Variants in CCDC178 observed in about 807,000 individuals in gnomAD.
CCDC178 encodes the protein coiled-coil domain containing 178, also known as coiled-coil domain-containing protein 178.
CCDC178 carries 126 observed loss-of-function variants against 117.4 expected under a neutral mutation model. The observed-to-expected ratio is 1.07, with a 90% CI of 0.93 to 1.24. The LOEUF is 1.24. Ranked by LOEUF, CCDC178 falls within the 50% of genes most tolerant of loss-of-function variation. The pLI, the probability that CCDC178 is intolerant of heterozygous loss-of-function variation, is 0.00. For missense variants in CCDC178, 1,030 were observed against 986.9 expected, an observed-to-expected ratio of 1.04 and a Z score of -0.59; for synonymous variants, 283 against 313.4, an observed-to-expected ratio of 0.90 and a Z score of 1.02.
At chr18:33,379,649 G>A (rs2063414689) in intron 5 of CCDC178, among the ~76,000 whole-genome samples, 1 of 152,084 alleles carries the variant, frequency 6.6e-6, no homozygotes, top group African/African-American at 2.4e-5. Context: ...TCATTCCTAA[G>A]TTCTCCGCAA....
chr18:33,323,603 C>T lies in CCDC178; in HGVS notation c.910G>A (p.Glu304Lys), dbSNP rs749577159. 8.4e-6 allele frequency: 13 copies of T among 1,545,982 alleles called. No homozygotes were observed. Among genetic ancestry groups the T allele is most frequent in the African/African-American group, 1.4e-5 (1 of 71,706 alleles). The change falls in exon 11 of 23, where the codon GAA becomes AAA. Residue 304 changes from glutamate to lysine, a missense_variant. By Grantham distance (56) the Glu-to-Lys change is moderately conservative. Transcript: ENST00000383096. ...CAGGCTTCTAAAGCTTCTTCAAGTT[C>T]TTCATTAACTTTTCTGTGTAGGTCC... Reference protein sequence around the residue: ...VMDLHRKVNEELEEALEACEN... With the variant: ...VMDLHRKVNEKLEEALEACEN...
chr18:32,948,286 G>T (rs557063785), intron 22 of CCDC178, among the ~76,000 whole-genome samples: 1 of 151,998 alleles, frequency 6.6e-6, no homozygotes, highest in Non-Finnish European at 1.5e-5. Flanking sequence ...GATCAATTTG[G>T]GTAAAACTGG....
At chr18:33,172,973 T>G (rs1598960445) in intron 20 of CCDC178, among the ~76,000 whole-genome samples, 1 of 152,360 alleles carries the variant, frequency 6.6e-6, no homozygotes, top group South Asian at 2.1e-4. Flanking sequence ...GATCTTCTAA[T>G]AATGGTCATT....
chr18:32,973,645 A>G (rs1019955465), intron 22 of CCDC178, among the ~76,000 whole-genome samples: 2 of 152,170 alleles, frequency 1.3e-5, no homozygotes, highest in Non-Finnish European at 1.5e-5. Flanking sequence ...AAATCGCTTC[A>G]TAGCTATTCA....
chr18:33,239,043 A>G (rs932964881), intron 15 of CCDC178, among the ~76,000 whole-genome samples: 1 of 152,164 alleles, frequency 6.6e-6, no homozygotes, highest in Non-Finnish European at 1.5e-5. Context: ...TTCAGAAATG[A>G]AAAAGAAAAG....
chr18:33,190,148 G>A (rs1027464554), intron 20 of CCDC178, among the ~76,000 whole-genome samples: 100 of 152,272 alleles, frequency 6.6e-4, no homozygotes, highest in African/African-American at 2.1e-3. Flanking sequence ...TCAGTGGCTG[G>A]ATGTACTTGG....
chr18:33,033,808 T>C (rs1374779705), intron 21 of CCDC178, among the ~76,000 whole-genome samples: 2 of 152,014 alleles, frequency 1.3e-5, no homozygotes, highest in Non-Finnish European at 2.9e-5. Flanking sequence ...ACTTTTCAAT[T>C]CTTACCTTAC....
At chr18:33,372,905 C>CT (rs1200674416) in intron 5 of CCDC178, among the ~76,000 whole-genome samples, 2 of 152,154 alleles carry the variant, frequency 1.3e-5, no homozygotes, top group Non-Finnish European at 2.9e-5. Context: ...CCCAATTATT[C>CT]TATCATCCCT....
At chr18:33,166,385 G>A (rs2144402989) in intron 20 of CCDC178, among the ~76,000 whole-genome samples, 1 of 152,094 alleles carries the variant, frequency 6.6e-6, no homozygotes, top group East Asian at 1.9e-4. Context: ...ATTGCTTATT[G>A]AGGTTCTGGC....
intron 20 of CCDC178, among the ~76,000 whole-genome samples, chr18:33,167,222 A>G (rs764612028): frequency 3.9e-5 from 6 of 152,170 alleles, no homozygotes; most frequent in Non-Finnish European, 7.3e-5. Context: ...ACTATTGTTA[A>G]TAGTGCTGCA....
At chr18:33,293,133 T>A (rs1325207523) in intron 12 of CCDC178, 26 bp downstream of exon 12, 2 of 1,463,890 alleles carry the variant, frequency 1.4e-6, no homozygotes, top group African/African-American at 1.4e-5. Flanking sequence ...AATCAGTATT[T>A]TTTATTTCTA....
chr18:33,267,123 A>G, intron 13 of CCDC178, 71 bp from the exon 14 acceptor site: 1 of 1,524,362 alleles, frequency 6.6e-7, no homozygotes, highest in African/African-American at 1.4e-5. Flanking sequence ...TAATAATGAA[A>G]TCACTTTTAG....
intron 21 of CCDC178, among the ~76,000 whole-genome samples, chr18:33,083,030 C>A (rs953285948): frequency 1.5e-4 from 23 of 152,138 alleles, no homozygotes; most frequent in Admixed American, 9.8e-4. Flanking sequence ...GCTATGTAAT[C>A]TCATTTAATA....
At chr18:33,108,687 A>G (rs1400597130) in intron 20 of CCDC178, among the ~76,000 whole-genome samples, 1 of 151,704 alleles carries the variant, frequency 6.6e-6, no homozygotes, top group Non-Finnish European at 1.5e-5. Context: ...ACAATTAAAT[A>G]TAGCTTAATT....
At chr18:33,078,255 T>A (rs1331411333) in intron 21 of CCDC178, among the ~76,000 whole-genome samples, 2 of 152,042 alleles carry the variant, frequency 1.3e-5, no homozygotes. Context: ...AAACTCCCAA[T>A]AAACTAGGTA....
intron 18 of CCDC178, among the ~76,000 whole-genome samples, chr18:33,222,833 T>G (rs1009287053): frequency 6.6e-6 from 1 of 152,218 alleles, no homozygotes; most frequent in East Asian, 1.9e-4. Flanking sequence ...AGTAGACTTC[T>G]GCATGAATCC....
At chr18:33,127,584 T>A (rs1290652758) in intron 20 of CCDC178, among the ~76,000 whole-genome samples, 3 of 152,130 alleles carry the variant, frequency 2.0e-5, no homozygotes, top group African/African-American at 7.2e-5. Context: ...CACAGGTACC[T>A]GCCACCGCGC....
At chr18:33,028,747 T>C (rs1347370992) in intron 21 of CCDC178, among the ~76,000 whole-genome samples, 1 of 151,858 alleles carries the variant, frequency 6.6e-6, no homozygotes, top group African/African-American at 2.4e-5. Flanking sequence ...TGTTTGTTTT[T>C]GTCAAATGCC....
chr18:33,205,533 A>G (rs996829543), intron 20 of CCDC178, among the ~76,000 whole-genome samples: 3 of 152,206 alleles, frequency 2.0e-5, no homozygotes, highest in Non-Finnish European at 4.4e-5. Context: ...CCACAGAAAT[A>G]AAACAAGTAG....
Sources: allele counts gnomAD v4.1 joint callset (sites outside exome capture counted in the v4.1 genomes callset), GRCh38; gene constraint gnomAD v4.1.1; transcripts MANE v1.5; gene names NCBI Gene and HGNC (gene_info 2026-07-23, HGNC 2026-07-21).